The following EML5 variants were observed in gnomAD, a reference collection of about 807,000 sequenced individuals.
EML5 encodes the protein echinoderm microtubule-associated protein-like 5.
In EML5, 120 loss-of-function variants were observed where a neutral mutation model predicts 250.0. The observed-to-expected ratio is 0.48, with a 90% CI of 0.41 to 0.56. The LOEUF is 0.56. EML5 is among the 20% of genes least tolerant of loss of function. EML5 has a pLI of 0.00. For missense variants in EML5, 2,006 were observed against 2,437.6 expected (o/e 0.82, Z 3.73); for synonymous variants, 771 against 806.5 (o/e 0.96, Z 0.75).
At chr14:88,697,332 C>T (rs1002526495) in intron 14 of EML5, among the ~76,000 whole-genome samples, 1 of 152,102 alleles carries the variant, frequency 6.6e-6, no homozygotes, top group Non-Finnish European at 1.5e-5. Flanking sequence ...AAGACAAACA[C>T]CTCTTAATAG....
chr14:88,680,291 T>C (rs1183109918), intron 21 of EML5, among the ~76,000 whole-genome samples: 1 of 152,192 alleles, frequency 6.6e-6, no homozygotes, highest in East Asian at 1.9e-4. Flanking sequence ...CATTTTCTTC[T>C]AGTATTACAA....
intron 1 of EML5, among the ~76,000 whole-genome samples, chr14:88,766,642 C>T (rs779097491): frequency 2.0e-5 from 3 of 152,106 alleles, no homozygotes; most frequent in Non-Finnish European, 2.9e-5. Flanking sequence ...GCCCTGCCTC[C>T]ATTTGCCTTC....
chr14:88,777,026 G>A (rs2094453601), intron 1 of EML5, among the ~76,000 whole-genome samples: 1 of 152,088 alleles, frequency 6.6e-6, no homozygotes, highest in Non-Finnish European at 1.5e-5. Context: ...TATTCAAAGT[G>A]ATAACAACAG....
chr14:88,767,564 C>G (rs748232839), intron 1 of EML5, among the ~76,000 whole-genome samples: 1 of 152,160 alleles, frequency 6.6e-6, no homozygotes, highest in Non-Finnish European at 1.5e-5. Context: ...TATTGTTACA[C>G]TGTAAGAGTT....
At position 88,770,464 on chromosome 14, in the gene EML5, A is replaced by G. The variant is rs187075081; in HGVS notation, c.198-15793T>C. Among the ~76,000 whole-genome samples, 92 of 152,250 alleles carry G rather than the reference A, an allele frequency of 6.0e-4. 1 individual carries two copies. The East Asian group carries it at 0.016, about 26-fold the overall frequency. ...GTTGTTTTTCACATCATTTGTTGAC[A>G]AGAGACCATTCAGTACAGAGAAAAA... On this transcript the variant is annotated intron_variant, in intron 1 of 43. Transcript: ENST00000554922.
chr14:88,676,577 A>G (rs1487000042), intron 21 of EML5, among the ~76,000 whole-genome samples: 2 of 152,238 alleles, frequency 1.3e-5, no homozygotes, highest in Non-Finnish European at 2.9e-5. Context: ...TATAGATTCA[A>G]TGCTATTCCC....
chr14:88,644,470 T>A lies in EML5; in HGVS notation c.4070A>T (p.Gln1357Leu). The A allele has an allele frequency of 6.2e-7, 1 of 1,613,852 alleles. No homozygotes were observed. The highest frequency in any genetic ancestry group is 8.5e-7 in the Non-Finnish European group (1 of 1,179,798). Residue 1357 changes from glutamine to leucine, a missense_variant, in exon 30 of 44, where the codon CAG (glutamine) becomes CTG (leucine). Physicochemically the swap from Gln to Leu is moderately radical, Grantham distance 113. This residue lies in a region of EML5 where 1,375 missense variants were observed against 1,590.3 expected (regional missense o/e 0.86). Coordinates refer to ENST00000554922, the MANE Select transcript of EML5 (RefSeq NM_183387.3). ...SRAPPQPEKL[Q>L]TNNVGKKKRP... ...CTTTTTCTTGCCTACATTGTTTGTC[T>A]GGAGTTTCTCTGGCTGTGGTGGGGC...
chr14:88,644,200 A>G lies in EML5; in HGVS notation c.4107+233T>C, dbSNP rs147128439. ...TACTTAGGTTTAGGACTCCTCTGAG[A>G]TACAGTTCAATTAGGGTATTATTCA... On this transcript the variant is annotated intron_variant, in intron 30 of 43. Coordinates refer to ENST00000554922, the MANE Select transcript of EML5 (RefSeq NM_183387.3). Among the ~76,000 whole-genome samples, 92 of 152,314 alleles carry G rather than the reference A, an allele frequency of 6.0e-4. 1 individual carries two copies. In the East Asian group the frequency reaches 0.016, roughly 26 times the overall value.
intron 21 of EML5, among the ~76,000 whole-genome samples, chr14:88,677,653 C>T (rs1423721646): frequency 1.3e-5 from 2 of 152,194 alleles, no homozygotes; most frequent in African/African-American, 2.4e-5. Flanking sequence ...GCAGACAATT[C>T]TCAAAAGAAG....
At chr14:88,688,166 C>A in intron 18 of EML5, 105 bp downstream of exon 18, 1 of 1,117,498 alleles carries the variant, frequency 8.9e-7, no homozygotes, top group East Asian at 2.3e-5. Flanking sequence ...CAGACTACTG[C>A]TGGATAGTCC....
chr14:88,669,936 G>A (rs1019387196), intron 21 of EML5, among the ~76,000 whole-genome samples: 3 of 152,114 alleles, frequency 2.0e-5, no homozygotes, highest in Non-Finnish European at 4.4e-5. Flanking sequence ...GTGATACCTC[G>A]AGGTGTGGGA....
chr14:88,790,888 T>C (rs1595900509), intron 1 of EML5, among the ~76,000 whole-genome samples: 1 of 152,294 alleles, frequency 6.6e-6, no homozygotes, highest in East Asian at 1.9e-4. Flanking sequence ...GCTATTATAA[T>C]AGGTCTGTAA....
intron 1 of EML5, among the ~76,000 whole-genome samples, chr14:88,783,358 T>C (rs2094517493): frequency 1.3e-5 from 2 of 151,972 alleles, no homozygotes; most frequent in Non-Finnish European, 2.9e-5. Flanking sequence ...ATAGAGTAGG[T>C]GAATGGATGA....
intron 1 of EML5, among the ~76,000 whole-genome samples, chr14:88,772,979 A>G (rs1423101284): frequency 6.6e-6 from 1 of 151,156 alleles, no homozygotes; most frequent in Admixed American, 6.6e-5. Flanking sequence ...CTCCCTAACT[A>G]CTCCTAGTCA....
At chr14:88,710,803 G>A (rs1452434991) in intron 10 of EML5, among the ~76,000 whole-genome samples, 2 of 152,084 alleles carry the variant, frequency 1.3e-5, no homozygotes, top group African/African-American at 2.4e-5. Flanking sequence ...TTGAAGGAGT[G>A]AATAATCTCT....
chr14:88,724,017 TC>T (rs1018136182), intron 8 of EML5, among the ~76,000 whole-genome samples: 22 of 151,614 alleles, frequency 1.5e-4, no homozygotes, highest in Admixed American at 1.1e-3. Flanking sequence ...ACGCCTGTAA[TC>T]CCAGCACTCT....
chr14:88,787,706 AAATAT>A (rs1307800184), intron 1 of EML5, among the ~76,000 whole-genome samples: 2 of 152,326 alleles, frequency 1.3e-5, no homozygotes, highest in East Asian at 3.9e-4. Context: ...AAATCTTACC[AAATAT>A]AATTGTTACA....
At chr14:88,688,232 C>T in intron 18 of EML5, 39 bp downstream of exon 18, 1 of 1,608,714 alleles carries the variant, frequency 6.2e-7, no homozygotes, top group Non-Finnish European at 8.5e-7. Flanking sequence ...CACTCCAGGA[C>T]AAATTTTGTT....
intron 27 of EML5, among the ~76,000 whole-genome samples, chr14:88,653,499 G>C (rs1004172529): frequency 5.3e-5 from 8 of 152,120 alleles, no homozygotes; most frequent in African/African-American, 1.7e-4. Context: ...AGAGTTTTTA[G>C]CATGAAGGGG....
Sources: gnomAD v4.1 joint callset for allele counts (sites outside exome capture counted in the v4.1 genomes callset) on GRCh38, gnomAD v4.1.1 for gene constraint, gnomAD v4.1.1 regional missense constraint, MANE v1.5 for transcripts, NCBI Gene and HGNC (gene_info 2026-07-23, HGNC 2026-07-21) for gene names.